Variants in TMC2 observed in about 807,000 individuals in gnomAD.
TMC2 encodes transmembrane channel like 2.
In TMC2, 102 loss-of-function variants were observed where a neutral mutation model predicts 105.9. The ratio of observed to expected loss-of-function variants is 0.96; its 90% CI spans 0.82 to 1.14. The LOEUF (loss-of-function observed/expected upper bound fraction) is 1.14. TMC2 is among the 50% of genes most tolerant of loss of function. The pLI, the probability that TMC2 is intolerant of heterozygous loss-of-function variation, is 0.00. For missense variants in TMC2, 1,093 were observed against 1,134.3 expected (o/e 0.96, Z 0.52); for synonymous variants, 402 against 422.8 (o/e 0.95, Z 0.60).
Position 2,641,242 on chromosome 20 carries a change from T to G in TMC2, c.2612T>G (p.Leu871Arg). The change falls in exon 20 of 20, where the codon CTT (leucine) becomes CGT (arginine). Residue 871 changes from leucine to arginine, a missense_variant. Leu to Arg is a moderately radical substitution (Grantham distance 102). Transcript: ENST00000358864. The stretch of plus-strand genomic sequence containing the variant: ...ACCACACTGCCTGCCTCTGGACACC[T>G]TCCTATATCTCGGCCCCCTGGAATC... ...SRTTLPASGH[L>R]PISRPPGIGP... The G allele has an allele frequency of 6.2e-7, 1 of 1,614,166 alleles. No individual in the cohort carries two copies. Among genetic ancestry groups the G allele is most frequent in the African/African-American group, 1.3e-5 (1 of 75,036 alleles).
chr20:2,539,990 CTTT>C (rs57860432), intron 2 of TMC2, among the ~76,000 whole-genome samples: 1,663 of 115,060 alleles, frequency 0.014, 27 homozygotes, highest in African/African-American at 0.053. Context: ...CTTTTCTTTT[CTTT>C]TTTTTTTTTT....
intron 8 of TMC2, among the ~76,000 whole-genome samples, chr20:2,593,993 C>T (rs1310224642): frequency 2.0e-5 from 3 of 152,192 alleles, no homozygotes; most frequent in Non-Finnish European, 2.9e-5. Flanking sequence ...TCTGCCTTTG[C>T]TTATGGCCCT....
intron 13 of TMC2, 67 bp from the exon 14 acceptor site, chr20:2,613,127 C>T: frequency 6.4e-7 from 1 of 1,559,778 alleles, no homozygotes; most frequent in Admixed American, 1.8e-5. Context: ...TCTCAACAAA[C>T]TCTCAGGGAG....
intron 4 of TMC2, among the ~76,000 whole-genome samples, chr20:2,565,696 C>G (rs2086059341): frequency 6.6e-6 from 1 of 152,150 alleles, no homozygotes; most frequent in Non-Finnish European, 1.5e-5. Context: ...CATTCTCTGG[C>G]CCAGTCAGGC....
At chr20:2,574,128 G>T (rs1250001675) in intron 5 of TMC2, among the ~76,000 whole-genome samples, 1 of 152,012 alleles carries the variant, frequency 6.6e-6, no homozygotes, top group Non-Finnish European at 1.5e-5. Context: ...TCTAGTTGTT[G>T]TTTAGTAAGA....
chr20:2,621,370 C>CA (rs779568447), intron 16 of TMC2, among the ~76,000 whole-genome samples: 2,326 of 95,156 alleles, frequency 0.024, 70 homozygotes, highest in African/African-American at 0.09. Flanking sequence ...TCAACAACAA[C>CA]AAAAAAAAAA....
intron 13 of TMC2, 125 bp downstream of exon 13, chr20:2,612,465 T>C: frequency 2.1e-6 from 2 of 952,136 alleles, no homozygotes; most frequent in Non-Finnish European, 2.9e-6. Context: ...AAACATTTCA[T>C]AATCATCTAG....
intron 3 of TMC2, among the ~76,000 whole-genome samples, chr20:2,561,086 C>A (rs995045584): frequency 2.0e-5 from 3 of 152,154 alleles, no homozygotes; most frequent in Admixed American, 6.5e-5. Context: ...AGTGTTAATG[C>A]CACTGAGTTG....
At chr20:2,537,418 T>G in intron 2 of TMC2, 102 bp downstream of exon 2, 12 of 952,604 alleles carry the variant, frequency 1.3e-5, no homozygotes, top group East Asian at 2.6e-5. Flanking sequence ...CTTCATCTCC[T>G]TCCCTCTCAT....
intron 17 of TMC2, among the ~76,000 whole-genome samples, chr20:2,632,018 T>A (rs956357690): frequency 2.7e-5 from 4 of 150,686 alleles, no homozygotes; most frequent in African/African-American, 1.0e-4. Flanking sequence ...TTCAAGTTCA[T>A]TGATTCTTTT....
intron 17 of TMC2, among the ~76,000 whole-genome samples, chr20:2,625,669 C>T (rs983304083): frequency 6.6e-6 from 1 of 152,214 alleles, no homozygotes; most frequent in African/African-American, 2.4e-5. Flanking sequence ...GCTGTTTCCA[C>T]TTTTCGGCTA....
At chr20:2,619,839 T>C (rs575861392) in intron 16 of TMC2, among the ~76,000 whole-genome samples, 1 of 152,246 alleles carries the variant, frequency 6.6e-6, no homozygotes, top group African/African-American at 2.4e-5. Flanking sequence ...CATCTGTCAC[T>C]GGGTAGGAGG....
intron 17 of TMC2, among the ~76,000 whole-genome samples, chr20:2,627,630 G>T (rs865852571): frequency 1.3e-5 from 2 of 152,238 alleles, no homozygotes; most frequent in South Asian, 4.2e-4. Flanking sequence ...CACCTCACAT[G>T]CTTCCCTTCT....
chr20:2,596,792 C>T (rs534073308), intron 9 of TMC2, among the ~76,000 whole-genome samples: 5 of 151,400 alleles, frequency 3.3e-5, no homozygotes, highest in Admixed American at 2.0e-4. Flanking sequence ...TAGAAGGGGA[C>T]GTTCCTGTTT....
chr20:2,624,406 C>A lies in TMC2; in HGVS notation c.2306+10C>A. 1 of 1,610,932 alleles carries A rather than the reference C, an allele frequency of 6.2e-7. No individual in the cohort carries two copies. The highest frequency in any genetic ancestry group is 1.1e-5 in the South Asian group (1 of 90,496). On this transcript the variant is annotated intron_variant, in intron 17 of 19. Transcript: ENST00000358864. ...CCATCCTGCTGATGTTGTAAGTTAG[C>A]CAGGACCCATGGCTCCACCCCACGG...
rs773428663 is a variant in TMC2 at position 2,642,802 on chromosome 20, A to G, written c.*1451A>G. Among the ~76,000 whole-genome samples the G allele has an allele frequency of 8.6e-5, 13 of 151,966 alleles. No homozygotes were observed. The highest frequency in any genetic ancestry group is 1.8e-4 in the Non-Finnish European group (12 of 68,008). ...GCAGTGAGGCCTCAGAGGGCCCCAG[A>G]GACCCTCTCACCCATGTCTCTGAGT... is the stretch of plus-strand genomic sequence containing the variant. On this transcript the variant is annotated 3_prime_UTR_variant, in exon 20 of 20. Transcript: ENST00000358864.
intron 16 of TMC2, among the ~76,000 whole-genome samples, chr20:2,623,607 A>G (rs1425983257): frequency 6.6e-6 from 1 of 152,134 alleles, no homozygotes; most frequent in Non-Finnish European, 1.5e-5. Flanking sequence ...TGGGGGATCA[A>G]GGATTTAAAC....
At chr20:2,625,208 G>A (rs543893416) in intron 17 of TMC2, among the ~76,000 whole-genome samples, 83 of 152,108 alleles carry the variant, frequency 5.5e-4, no homozygotes, top group African/African-American at 1.4e-3. Flanking sequence ...ATCTTATTTT[G>A]GCATGCTTTT....
chr20:2,592,187 T>C lies in TMC2; in HGVS notation c.835-123T>C, dbSNP rs937401195. ...AAAATGAATTAAATTAATAAATACA[T>C]AAAGAAAGAAGAAAATAGGTGTATT... On this transcript the variant is annotated intron_variant, in intron 7 of 19. Coordinates refer to ENST00000358864, the MANE Select transcript of TMC2 (RefSeq NM_080751.3). This position sits in a 1 kb window ranked among gnomAD's most constrained non-coding sequence, Gnocchi z 4.9. The C allele has an allele frequency of 1.7e-6, 1 of 595,214 alleles. No homozygotes were observed. The highest frequency in any genetic ancestry group is 3.0e-6 in the Non-Finnish European group (1 of 335,592). The allele number at this position is 595,214 out of a possible 1,614,324, so 36.9% of individuals were successfully genotyped here. A position where few individuals can be genotyped will look rare whatever the true frequency, so the allele number is the denominator to read the frequency against.
Sources: allele counts gnomAD v4.1 joint callset (sites outside exome capture counted in the v4.1 genomes callset), GRCh38; gene constraint gnomAD v4.1.1; non-coding constraint Gnocchi (gnomAD v3.1); transcripts MANE v1.5; gene names NCBI Gene and HGNC (gene_info 2026-07-23, HGNC 2026-07-21).